LRRC47: variants seen among roughly 807,000 people sequenced by gnomAD.
The protein encoded by LRRC47 is leucine rich repeat containing 47.
A neutral mutation model predicts 40.9 loss-of-function variants in LRRC47; 31 were observed. That is an observed-to-expected ratio of 0.76 (90% CI 0.57 to 1.02). The LOEUF (loss-of-function observed/expected upper bound fraction) is 1.02. Among genes scored for constraint, LRRC47 ranks in the 50% least tolerant of loss-of-function variants. LRRC47 has a pLI of 0.00. For synonymous variants in LRRC47, 427 were observed against 371.9 expected (o/e 1.15, Z -1.70); for missense variants, 726 against 796.1 (o/e 0.91, Z 1.06).
intron 1 of LRRC47, among the ~76,000 whole-genome samples, chr1:3,791,152 T>G (rs983769726): frequency 6.6e-6 from 1 of 151,460 alleles, no homozygotes; most frequent in Non-Finnish European, 1.5e-5. Flanking sequence ...CCACGCCAGC[T>G]GAGCACAGCC....
At chr1:3,795,044 A>G (rs568024664) in intron 1 of LRRC47, among the ~76,000 whole-genome samples, 10 of 137,054 alleles carry the variant, frequency 7.3e-5, no homozygotes, top group Non-Finnish European at 1.4e-4. Context: ...ACAGGACCAG[A>G]CTACATCTCA....
At position 3,781,147 on chromosome 1, in the gene LRRC47, C is replaced by A. The variant is rs1328215190; in HGVS notation, c.1693G>T (p.Val565Leu). The change falls in exon 7 of 7, where the codon GTG becomes TTG. Residue 565 changes from valine to leucine, a missense_variant. Transcript: ENST00000378251. ...GCCAGGTCGGCCTTGGACGGGTACA[C>A]CACCTTCAGGCTCCCTTCCAGATCC... ...VVDLEGSLKV[V>L]YPSKADLATA... 1.9e-6 allele frequency: 3 copies of A among 1,614,146 alleles called. No individual in the cohort carries two copies. In the South Asian group the frequency reaches 3.3e-5, roughly 18 times the overall value.
intron 1 of LRRC47, among the ~76,000 whole-genome samples, chr1:3,788,962 CG>C (rs1643602713): frequency 6.6e-6 from 1 of 152,120 alleles, no homozygotes; most frequent in Admixed American, 6.5e-5. Context: ...ACGCGTCCAT[CG>C]GATCTAACAG....
chr1:3,786,513 G>T (rs1255106718), intron 2 of LRRC47, among the ~76,000 whole-genome samples: 2 of 151,996 alleles, frequency 1.3e-5, no homozygotes, highest in African/African-American at 2.4e-5. Context: ...AAAAAATCAG[G>T]ATAAACCGTT....
rs1390308238 is a variant in LRRC47, at chr1:3,784,194, A to G, written c.1195-83T>C. 7 of 1,176,794 alleles carry G rather than the reference A, an allele frequency of 5.9e-6. No individual in the cohort carries two copies. In the East Asian group the frequency reaches 1.8e-4, roughly 30 times the overall value. The allele number at this position is 1,176,794 out of a possible 1,614,324, so 72.9% of individuals were successfully genotyped here. A position where few individuals can be genotyped will look rare whatever the true frequency, so the allele number is the denominator to read the frequency against. On this transcript the variant is annotated intron_variant, in intron 3 of 6. Coordinates refer to ENST00000378251, the MANE Select transcript of LRRC47 (RefSeq NM_020710.3). ...GTGTCGATTACGGCCTTAAGCCTCA[A>G]TGAGCCCTCCCGACTCCCGCCCTCA...
Position 3,785,159 on chromosome 1 carries a change from G to A in LRRC47, c.1122C>T (p.Thr374=), listed in dbSNP as rs992725349. Residue 374 remains threonine, a synonymous_variant, in exon 3 of 7, where the codon ACC becomes ACT. Coordinates refer to ENST00000378251, the MANE Select transcript of LRRC47 (RefSeq NM_020710.3). ...CGGCACGGAGCTCGTGGGTGGCAAG[G>A]GTGGCAGCCGTCCTCTTCTCACAGA... The part of the protein sequence containing the change: ...EDLCEKRTAA[T]LATHELRAVK... 3.8e-6 allele frequency: 6 copies of A among 1,596,744 alleles called. No homozygotes were observed. The Admixed American group carries it at 7.0e-5, about 19-fold the overall frequency.
chr1:3,794,242 G>A (rs532596269), intron 1 of LRRC47, among the ~76,000 whole-genome samples: 4 of 152,244 alleles, frequency 2.6e-5, no homozygotes, highest in Admixed American at 1.3e-4. Context: ...ACTTTAGCTG[G>A]CTCTACATGT....
At chr1:3,793,409 A>G (rs934688979) in intron 1 of LRRC47, among the ~76,000 whole-genome samples, 2 of 152,162 alleles carry the variant, frequency 1.3e-5, no homozygotes, top group Non-Finnish European at 2.9e-5. Context: ...ACTACCTTTA[A>G]TTATTCCTGG....
chr1:3,795,121 G>A (rs1470134907), intron 1 of LRRC47, among the ~76,000 whole-genome samples: 1 of 151,372 alleles, frequency 6.6e-6, no homozygotes, highest in Non-Finnish European at 1.5e-5. Flanking sequence ...AAGAAATGCA[G>A]GACTGCCTTA....
rs1164200104 is a variant in LRRC47, at chr1:3,780,111, C to G, written c.*977G>C. ...AAGGAAACGCACATCGGTTGGCTTC[C>G]CAAGTTTTCGGGTCTCCGAACCAGT... On this transcript the variant is annotated 3_prime_UTR_variant, in exon 7 of 7. Transcript: ENST00000378251. The G allele has an allele frequency of 6.6e-6, 1 of 152,192 alleles. No individual in the cohort carries two copies. The highest frequency in any genetic ancestry group is 1.9e-4 in the East Asian group (1 of 5,192). The allele number at this position is 152,192 out of a possible 1,614,324, so 9.4% of individuals were successfully genotyped here.
In LRRC47 at chr1:3,785,656, C is replaced by G. The variant is rs1221025493; in HGVS notation, c.1078-453G>C. On this transcript the variant is annotated intron_variant, in intron 2 of 6. Coordinates refer to ENST00000378251, the MANE Select transcript of LRRC47 (RefSeq NM_020710.3). ...ACTGCGGGGCGCACGAGACTTTCCC[C>G]TGGGCACAGAGGTGCTTTATATTTT... 3.3e-5 allele frequency: 5 copies of G among 152,366 alleles called. No homozygotes were observed. The East Asian group carries it at 9.6e-4, about 29-fold the overall frequency. The allele number at this position is 152,366 out of a possible 1,614,324, so 9.4% of individuals were successfully genotyped here.
chr1:3,781,288 A>G lies in LRRC47; in HGVS notation c.1552T>C (p.Ser518Pro), dbSNP rs1643517396. The G allele has an allele frequency of 1.2e-6, 2 of 1,614,136 alleles. No individual in the cohort carries two copies. Among genetic ancestry groups the G allele is most frequent in the East Asian group, 4.5e-5 (2 of 44,890 alleles). The change falls in exon 7 of 7, where the codon TCA becomes CCA. Residue 518 changes from serine to proline, a missense_variant. Coordinates refer to ENST00000378251, the MANE Select transcript of LRRC47 (RefSeq NM_020710.3). ...GCATCGGCTTCAGTATCTGAGAGTG[A>G]TCCTTCCTCTTTATTTTCTAAAGTG... is the stretch of plus-strand genomic sequence containing the variant. The part of the protein sequence containing the change: ...KYTLENKEEG[S>P]LSDTEADAVS...
rs965401321 is a variant in LRRC47 at position 3,782,121 on chromosome 1, C to T, written c.1414-520G>A. Among the ~76,000 whole-genome samples the T allele has an allele frequency of 7.9e-5, 12 of 152,282 alleles. No homozygotes were observed. The South Asian group carries it at 1.9e-3, about 24-fold the overall frequency. On this transcript the variant is annotated intron_variant, in intron 5 of 6. Coordinates refer to ENST00000378251, the MANE Select transcript of LRRC47 (RefSeq NM_020710.3). Reference sequence around the variant, plus strand: ...GCTGTAGCTCTGAGAAGCCAGGGGGCCCTTTGACCCCTCTGGGCTGCGTTT... The same window carrying T: ...GCTGTAGCTCTGAGAAGCCAGGGGGTCCTTTGACCCCTCTGGGCTGCGTTT...
At chr1:3,785,638 G>A (rs1643565261) in intron 2 of LRRC47, 1 of 152,332 alleles carries the variant, frequency 6.6e-6, no homozygotes, top group Admixed American at 6.5e-5. Flanking sequence ...GCCACTGCGG[G>A]GCGCACGAGA....
In LRRC47 at chr1:3,784,195, T is replaced by G. The variant is rs1428694659; in HGVS notation, c.1195-84A>C. 3.4e-6 allele frequency: 4 copies of G among 1,168,122 alleles called. No individual in the cohort carries two copies. In the African/African-American group the frequency reaches 6.1e-5, roughly 18 times the overall value. 72.4% of individuals were successfully genotyped at this position (1,168,122 alleles called of 1,614,324 possible). ...TGTCGATTACGGCCTTAAGCCTCAATGAGCCCTCCCGACTCCCGCCCTCAT... is the reference window on the plus strand; with the variant it reads ...TGTCGATTACGGCCTTAAGCCTCAAGGAGCCCTCCCGACTCCCGCCCTCAT... On this transcript the variant is annotated intron_variant, in intron 3 of 6. Coordinates refer to ENST00000378251, the MANE Select transcript of LRRC47 (RefSeq NM_020710.3).
chr1:3,788,122 G>C (rs1643594578), intron 1 of LRRC47, among the ~76,000 whole-genome samples: 1 of 152,274 alleles, frequency 6.6e-6, no homozygotes, highest in Admixed American at 6.5e-5. Flanking sequence ...GGGCAGCGCA[G>C]GGAACGTGCG....
In LRRC47 at chr1:3,786,877, T is replaced by C. The variant is rs773830774; in HGVS notation, c.1049A>G (p.Asn350Ser). 5 of 1,602,078 alleles carry C rather than the reference T, an allele frequency of 3.1e-6. No individual in the cohort carries two copies. The highest frequency in any genetic ancestry group is 1.1e-5 in the South Asian group (1 of 89,188). Residue 350 changes from asparagine (N) to serine (S), a missense_variant, in exon 2 of 7, where the codon AAT becomes AGT. Transcript: ENST00000378251. ...CGAGGTGAGGAAGCGCTTGAGTGCATTCCCTGGCTGCAGGTCCATGCCTCG... is the reference window on the plus strand; with the variant it reads ...CGAGGTGAGGAAGCGCTTGAGTGCACTCCCTGGCTGCAGGTCCATGCCTCG... ...VVRGMDLQPGNALKRFLTSQT... is the reference protein window; with the variant it reads ...VVRGMDLQPGSALKRFLTSQT...
Position 3,795,117 on chromosome 1 carries a change from T to C in LRRC47, c.615+745A>G, listed in dbSNP as rs568210731. ...CAAAGACGAAAAATGGGGGAAGAAATGCAGGACTGCCTTAAGGATGAAACC... is the reference window on the plus strand; with the variant it reads ...CAAAGACGAAAAATGGGGGAAGAAACGCAGGACTGCCTTAAGGATGAAACC... On this transcript the variant is annotated intron_variant, in intron 1 of 6. Transcript: ENST00000378251. Among the ~76,000 whole-genome samples the C allele has an allele frequency of 4.3e-4, 60 of 138,100 alleles. 1 individual carries two copies. In the South Asian group the frequency reaches 0.013, roughly 30 times the overall value. 90.6% of individuals were successfully genotyped at this position (138,100 alleles called of 152,430 possible).
rs1334173932 is a variant in LRRC47 at position 3,787,022 on chromosome 1, C to T, written c.904G>A (p.Gly302Arg). The change falls in exon 2 of 7, where the codon GGA (glycine) becomes AGA (arginine). Residue 302 changes from glycine to arginine, a missense_variant. Physicochemically the swap from Gly to Arg is moderately radical, Grantham distance 125. Coordinates refer to ENST00000378251, the MANE Select transcript of LRRC47 (RefSeq NM_020710.3). ...CTGAGCAGCAGCCGGCCGGCATCTCCCACGTCCTGCTCCTCCCCATCACCA... is the reference window on the plus strand; with the variant it reads ...CTGAGCAGCAGCCGGCCGGCATCTCTCACGTCCTGCTCCTCCCCATCACCA... ...EGGDGEEQDV[G>R]DAGRLLLRVL... 1.2e-6 allele frequency: 2 copies of T among 1,611,858 alleles called. No homozygotes were observed. Among genetic ancestry groups the T allele is most frequent in the East Asian group, 2.2e-5 (1 of 44,780 alleles).
Sources: gnomAD v4.1 joint callset for allele counts (sites outside exome capture counted in the v4.1 genomes callset) on GRCh38, gnomAD v4.1.1 for gene constraint, MANE v1.5 for transcripts, NCBI Gene and HGNC (gene_info 2026-07-23, HGNC 2026-07-21) for gene names.